SLC19A1: variants seen among roughly 807,000 people sequenced by gnomAD.
The protein encoded by SLC19A1 is reduced folate transporter.
Under a neutral mutation model 35.3 loss-of-function variants are expected in SLC19A1, and 37 were observed. That is an observed-to-expected ratio of 1.05 (90% CI 0.81 to 1.38). The LOEUF is 1.38. Among genes scored for constraint, SLC19A1 ranks in the 40% most tolerant of loss-of-function variants. The pLI, the probability that SLC19A1 is intolerant of heterozygous loss-of-function variation, is 0.00. For missense variants in SLC19A1, 831 were observed against 826.9 expected, an observed-to-expected ratio of 1.00 and a Z score of -0.06; for synonymous variants, 460 against 398.5, an observed-to-expected ratio of 1.15 and a Z score of -1.84.
At position 45,515,808 on chromosome 21, in the gene SLC19A1, G is replaced by T; in HGVS notation, c.1626C>A (p.Thr542=). The T allele has an allele frequency of 1.9e-6, 3 of 1,611,386 alleles. No individual in the cohort carries two copies. In the South Asian group the frequency reaches 3.3e-5, roughly 18 times the overall value. The part of the protein sequence containing the change: ...QAAEFLSPVT[T]PSPCTLCSAQ... ...CGGAGCACAGAGTGCAGGGGGAAGG[G>T]GTTGTCACTGGGCTCAGGAATTCAG... The change falls in exon 6 of 6, where the codon ACC becomes ACA. Residue 542 remains threonine, a synonymous_variant. Transcript: ENST00000311124.
chr21:45,550,203 G>A (rs890862322), intron 1 of SLC19A1, among the ~76,000 whole-genome samples: 40 of 152,070 alleles, frequency 2.6e-4, no homozygotes, highest in Admixed American at 2.6e-3. Context: ...CCCATGCACC[G>A]CCCTGGTCAC....
chr21:45,549,935 C>T (rs1037997491), intron 1 of SLC19A1, among the ~76,000 whole-genome samples: 4 of 152,060 alleles, frequency 2.6e-5, no homozygotes, highest in Non-Finnish European at 5.9e-5. Flanking sequence ...CTTGTCCCCA[C>T]AGAGACCCTC....
upstream of SLC19A1, chr21:45,544,434 G>C (rs1035564383): frequency 6.4e-6 from 1 of 156,056 alleles, no homozygotes; most frequent in Non-Finnish European, 1.4e-5. Flanking sequence ...TGGGGCGTGG[G>C]CTTCCAGAGG....
At chr21:45,511,207 G>T, downstream of SLC19A1, 2 of 1,585,810 alleles carry the variant, frequency 1.3e-6, no homozygotes, top group Non-Finnish European at 1.7e-6. Context: ...CGGCAAGGAC[G>T]TCCTGAGGCA....
chr21:45,546,878 G>A (rs1437837739), upstream of SLC19A1, among the ~76,000 whole-genome samples: 1 of 152,172 alleles, frequency 6.6e-6, no homozygotes, highest in Non-Finnish European at 1.5e-5. Flanking sequence ...ATGCATCTTG[G>A]TTGCAAGCAA....
At chr21:45,543,134 G>A (rs993596624), upstream of SLC19A1, among the ~76,000 whole-genome samples, 1 of 152,224 alleles carries the variant, frequency 6.6e-6, no homozygotes, top group African/African-American at 2.4e-5. Context: ...CAGCCCGGGG[G>A]AGACCCGCGC....
chr21:45,529,966 AGT>A (rs2146337867), intron 4 of SLC19A1, among the ~76,000 whole-genome samples: 1 of 129,542 alleles, frequency 7.7e-6, no homozygotes, highest in South Asian at 2.5e-4. Flanking sequence ...GTAAGCATGT[AGT>A]GTGTTCATGT....
At chr21:45,529,599 G>A (rs934664966) in intron 4 of SLC19A1, among the ~76,000 whole-genome samples, 1 of 110,636 alleles carries the variant, frequency 9.0e-6, no homozygotes, top group Non-Finnish European at 1.8e-5. Flanking sequence ...CTCCATGTGT[G>A]AGCGTGTGTC....
intron 2 of SLC19A1, among the ~76,000 whole-genome samples, chr21:45,537,031 C>T (rs1453650382): frequency 2.0e-5 from 3 of 152,202 alleles, no homozygotes; most frequent in African/African-American, 4.8e-5. Flanking sequence ...ACCCTTTGTC[C>T]TCATGGCTGA....
intron 5 of SLC19A1, among the ~76,000 whole-genome samples, chr21:45,520,596 C>T (rs1403135748): frequency 6.6e-6 from 1 of 152,170 alleles, no homozygotes; most frequent in Admixed American, 6.5e-5. Context: ...ACCCATCACC[C>T]AATTCATATG....
In SLC19A1 at chr21:45,517,742, C is replaced by T. The variant is rs1261590502; in HGVS notation, c.1294-1602G>A. Among the ~76,000 whole-genome samples the T allele has an allele frequency of 1.3e-5, 2 of 152,092 alleles. No homozygotes were observed. The highest frequency in any genetic ancestry group is 2.9e-5 in the Non-Finnish European group (2 of 68,026). ...CCCAGCAATAATGAGAATGTCCCAA[C>T]CCCAGGGGCATCAAGGGGGCCACGA... On this transcript the variant is annotated intron_variant, in intron 5 of 5. Coordinates refer to ENST00000311124, the MANE Select transcript of SLC19A1 (RefSeq NM_194255.4). This position sits in a 1 kb window ranked among gnomAD's most constrained non-coding sequence, Gnocchi z 4.4.
intron 3 of SLC19A1, among the ~76,000 whole-genome samples, chr21:45,503,735 A>G (rs1010661541): frequency 4.6e-5 from 7 of 152,030 alleles, no homozygotes; most frequent in Admixed American, 6.5e-5. Flanking sequence ...ATGTATACAT[A>G]TGTAACTAAC....
Position 45,540,624 on chromosome 21 carries a change from A to G in SLC19A1, c.-50+1744T>C, listed in dbSNP as rs2078274428. On this transcript the variant is annotated intron_variant, in intron 1 of 5. Transcript: ENST00000311124. The surrounding 1 kb of genome is among the most constrained non-coding windows in gnomAD (Gnocchi z 5.5). ...GCCATCACGGCCCAGACCACCTCCA[A>G]GAGGAAAGATAGGGAACTTGGTCAC... Among the ~76,000 whole-genome samples the G allele has an allele frequency of 1.3e-5, 2 of 152,200 alleles. No individual in the cohort carries two copies. Among genetic ancestry groups the G allele is most frequent in the South Asian group, 4.1e-4 (2 of 4,834 alleles).
rs563521109 is a variant in SLC19A1, at chr21:45,505,891, C to T, written c.498-7279G>A. 64 of 1,612,918 alleles carry T rather than the reference C, an allele frequency of 4.0e-5. No individual in the cohort carries two copies. Among genetic ancestry groups the T allele is most frequent in the Admixed American group, 1.8e-4 (11 of 60,028 alleles). On this transcript the variant is annotated intron_variant, in intron 3 of 4. Transcript: ENST00000417954. ...TGCTGGGCCAGGTGCACGAGGTTCC[C>T]GAGGGCTGGCTCATCTTCGTGGCCG...
chr21:45,514,723 AGT>A lies in SLC19A1; in HGVS notation c.*933_*934del. On this transcript the variant is annotated 3_prime_UTR_variant, in exon 6 of 6. Coordinates refer to ENST00000311124, the MANE Select transcript of SLC19A1 (RefSeq NM_194255.4). The stretch of plus-strand genomic sequence containing the variant: ...CAGAAGCCCTGCGCACACTCACTTA[AGT>A]GTGTTTAATGTATGTGGGAAGAGTA... The A allele has an allele frequency of 2.4e-6, 1 of 414,870 alleles. No individual in the cohort carries two copies. Among genetic ancestry groups the A allele is most frequent in the Non-Finnish European group, 4.2e-6 (1 of 235,652 alleles). The allele number at this position is 414,870 out of a possible 1,614,324, so 25.7% of individuals were successfully genotyped here.
At chr21:45,505,715 A>G (rs1428768024) in intron 3 of SLC19A1, 2 of 814,998 alleles carry the variant, frequency 2.5e-6, no homozygotes, top group East Asian at 5.3e-5. Flanking sequence ...CAGCCGCCTC[A>G]GTCCACACCT....
At chr21:45,511,072 C>G (rs764423273), downstream of SLC19A1, 1 of 969,304 alleles carries the variant, frequency 1.0e-6, no homozygotes, top group African/African-American at 3.0e-5. Context: ...ATCCACACCC[C>G]CACACACCAC....
intron 2 of SLC19A1, 44 bp from the exon 3 acceptor site, chr21:45,532,192 T>G (rs1473270208): frequency 5.3e-6 from 8 of 1,501,932 alleles, no homozygotes; most frequent in Non-Finnish European, 7.2e-6. Context: ...TTAGCAATGC[T>G]GCCGCTGCGG....
At chr21:45,562,255 T>C (rs1352383425) in intron 1 of SLC19A1, among the ~76,000 whole-genome samples, 1 of 151,542 alleles carries the variant, frequency 6.6e-6, no homozygotes, top group Non-Finnish European at 1.5e-5. Flanking sequence ...TTGTGGAAAA[T>C]GATACACAGA....
Sources: gnomAD v4.1 joint callset for allele counts (sites outside exome capture counted in the v4.1 genomes callset) on GRCh38, gnomAD v4.1.1 for gene constraint, Gnocchi (gnomAD v3.1) non-coding constraint, MANE v1.5 for transcripts, NCBI Gene and HGNC (gene_info 2026-07-23, HGNC 2026-07-21) for gene names.